The following CNTN6 variants were observed in gnomAD, a reference collection of about 807,000 sequenced individuals.
CNTN6 encodes contactin-6.
In CNTN6, 137 loss-of-function variants were observed where a neutral mutation model predicts 122.8. The ratio of observed to expected loss-of-function variants is 1.12; its 90% CI spans 0.97 to 1.29. The LOEUF is 1.29. Among genes scored for constraint, CNTN6 ranks in the 50% most tolerant of loss-of-function variants. CNTN6 has a pLI of 0.00. For synonymous variants in CNTN6, 570 were observed against 426.0 expected (o/e 1.34, Z -4.16); for missense variants, 1,634 against 1,223.4 (o/e 1.34, Z -5.01).
At position 1,403,501 on chromosome 3, in the gene CNTN6, G is replaced by A. The variant is rs958375071; in HGVS notation, c.*83G>A. On this transcript the variant is annotated 3_prime_UTR_variant, in exon 23 of 23. Transcript: ENST00000446702. Reference sequence around the variant, plus strand: ...CTCTCCAGCCTCTGACACAAGATGCGTTCTTAATACAGACTTGTTTGCAAA... The same window carrying A: ...CTCTCCAGCCTCTGACACAAGATGCATTCTTAATACAGACTTGTTTGCAAA... 1.7e-5 allele frequency: 13 copies of A among 760,948 alleles called. No individual in the cohort carries two copies. The highest frequency in any genetic ancestry group is 5.3e-5 in the East Asian group (2 of 37,610). 47.1% of individuals were successfully genotyped at this position (760,948 alleles called of 1,614,324 possible). A position where few individuals can be genotyped will look rare whatever the true frequency, so the allele number is the denominator to read the frequency against.
intron 2 of CNTN6, among the ~76,000 whole-genome samples, chr3:1,175,188 A>C: frequency 8.2e-6 from 1 of 122,360 alleles, no homozygotes; most frequent in South Asian, 2.6e-4. Context: ...GTACCACTGC[A>C]CTCCAGCCTG....
chr3:1,155,205 C>T (rs1020365974), intron 2 of CNTN6, among the ~76,000 whole-genome samples: 2 of 152,128 alleles, frequency 1.3e-5, no homozygotes, highest in African/African-American at 4.8e-5. Flanking sequence ...CACTTTCTGC[C>T]TATACCTAGA....
At chr3:1,101,753 A>G (rs2090909568) in intron 1 of CNTN6, among the ~76,000 whole-genome samples, 1 of 152,232 alleles carries the variant, frequency 6.6e-6, no homozygotes, top group Non-Finnish European at 1.5e-5. Flanking sequence ...TAGTCCAATG[A>G]CAGAATATGT....
intron 1 of CNTN6, among the ~76,000 whole-genome samples, chr3:1,111,065 T>C (rs1194022730): frequency 1.3e-5 from 2 of 152,186 alleles, no homozygotes; most frequent in African/African-American, 4.8e-5. Context: ...CATATGATTG[T>C]ATGGAGGATT....
intron 1 of CNTN6, among the ~76,000 whole-genome samples, chr3:1,118,520 T>C (rs1454326876): frequency 6.6e-6 from 1 of 152,152 alleles, no homozygotes; most frequent in Non-Finnish European, 1.5e-5. Context: ...ATAATGTCCT[T>C]TTTCTGTAAG....
At chr3:1,334,803 CTG>C (rs1486121963) in intron 11 of CNTN6, among the ~76,000 whole-genome samples, 1 of 152,060 alleles carries the variant, frequency 6.6e-6, no homozygotes, top group Non-Finnish European at 1.5e-5. Context: ...TAAATATTTT[CTG>C]TGTTGCTAAA....
chr3:1,292,861 C>T (rs907353707), intron 5 of CNTN6, among the ~76,000 whole-genome samples: 1 of 152,096 alleles, frequency 6.6e-6, no homozygotes, highest in Non-Finnish European at 1.5e-5. Context: ...CCACTGTATA[C>T]ATCTCCAGGT....
intron 5 of CNTN6, among the ~76,000 whole-genome samples, chr3:1,279,042 C>A (rs1284482874): frequency 6.6e-6 from 1 of 152,198 alleles, no homozygotes; most frequent in East Asian, 1.9e-4. Flanking sequence ...CAAATTCCAA[C>A]TAACACTCCT....
At chr3:1,256,130 T>A (rs1433727875) in intron 4 of CNTN6, among the ~76,000 whole-genome samples, 4 of 152,096 alleles carry the variant, frequency 2.6e-5, no homozygotes, top group Non-Finnish European at 5.9e-5. Context: ...CGTGGTCTCC[T>A]AAAGTGCTGC....
Position 1,327,547 on chromosome 3 carries a change from T to C in CNTN6, c.1174T>C (p.Tyr392His), listed in dbSNP as rs775187238. 1.2e-6 allele frequency: 2 copies of C among 1,610,842 alleles called. No individual in the cohort carries two copies. The highest frequency in any genetic ancestry group is 1.7e-6 in the Non-Finnish European group (2 of 1,178,084). Residue 392 changes from tyrosine to histidine, a missense_variant, in exon 10 of 23, where the codon TAT becomes CAT. Physicochemically the swap from Tyr to His is moderately conservative, Grantham distance 83 (BLOSUM62 2). Transcript: ENST00000446702. ...GVYQCAAENKYQIIYANAELR... is the reference protein window; with the variant it reads ...GVYQCAAENKHQIIYANAELR... ...GTACCAATGTGCTGCAGAAAACAAA[T>C]ATCAGATAATTTATGCAAATGCTGA...
At chr3:1,201,392 T>C (rs1208108340) in intron 2 of CNTN6, among the ~76,000 whole-genome samples, 3 of 152,262 alleles carry the variant, frequency 2.0e-5, no homozygotes, top group Middle Eastern at 3.4e-3. Context: ...ACGGGAAAAT[T>C]AGCTTTTTTT....
At chr3:1,179,752 A>G (rs2093519261) in intron 2 of CNTN6, among the ~76,000 whole-genome samples, 1 of 152,108 alleles carries the variant, frequency 6.6e-6, no homozygotes, top group Non-Finnish European at 1.5e-5. Flanking sequence ...TACCACAGTC[A>G]TTTTTTTGTG....
chr3:1,147,357 C>T (rs1559397549), intron 1 of CNTN6, among the ~76,000 whole-genome samples: 1 of 152,018 alleles, frequency 6.6e-6, no homozygotes, highest in South Asian at 2.1e-4. Flanking sequence ...TTCATAATAA[C>T]TGAGCTTAAT....
At chr3:1,372,268 A>C (rs776165104) in intron 12 of CNTN6, 31 bp from the exon 13 acceptor site, 1 of 1,548,078 alleles carries the variant, frequency 6.5e-7, no homozygotes, top group Non-Finnish European at 8.8e-7. Flanking sequence ...GCATTTCATA[A>C]GCTTTAAAAA....
chr3:1,148,532 T>C (rs1442990991), intron 2 of CNTN6, among the ~76,000 whole-genome samples: 2 of 152,128 alleles, frequency 1.3e-5, no homozygotes, highest in Non-Finnish European at 2.9e-5. Flanking sequence ...AAAGATGATA[T>C]AGAATGTTAC....
intron 17 of CNTN6, among the ~76,000 whole-genome samples, chr3:1,380,944 C>T (rs1575969114): frequency 6.6e-6 from 1 of 152,112 alleles, no homozygotes; most frequent in Non-Finnish European, 1.5e-5. Flanking sequence ...TTAAAGAAAA[C>T]TCTTTTTCTG....
chr3:1,321,729 A>C lies in CNTN6; in HGVS notation c.841A>C (p.Ile281Leu). The C allele has an allele frequency of 6.2e-7, 1 of 1,611,888 alleles. No homozygotes were observed. The change falls in exon 8 of 23, where the codon ATC becomes CTC. Residue 281 changes from isoleucine to leucine, a missense_variant. By Grantham distance (5) the Ile-to-Leu change is conservative. Coordinates refer to ENST00000446702, the MANE Select transcript of CNTN6 (RefSeq NM_001289080.2). ...GKVKYSKSQA[I>L]LEIPNFQQED... is the part of the protein sequence containing the mutation. ...AGTCAAGTACAGCAAATCCCAAGCT[A>C]TCCTTGAAATCCCGAACTTCCAACA...
intron 1 of CNTN6, among the ~76,000 whole-genome samples, chr3:1,098,785 CACACATATATATAT>C (rs1253945792): frequency 2.0e-5 from 1 of 49,576 alleles, no homozygotes; most frequent in East Asian, 6.8e-4. Context: ...CACACACACA[CACACATATATATAT>C]ATATATATAT....
At position 1,306,385 on chromosome 3, in the gene CNTN6, T is replaced by C. The variant is rs1575630729; in HGVS notation, c.761+8394T>C. ...CACCTCTGTTGACCATGCTCACAAA[T>C]CTGAGAACTAAAAAATCTTCAAGCC... is the stretch of plus-strand genomic sequence containing the variant. On this transcript the variant is annotated intron_variant, in intron 7 of 22. Coordinates refer to ENST00000446702, the MANE Select transcript of CNTN6 (RefSeq NM_001289080.2). 2.0e-5 allele frequency among the ~76,000 whole-genome samples: 3 copies of C among 152,236 alleles called. No homozygotes were observed. The South Asian group carries it at 6.2e-4, about 32-fold the overall frequency.
Sources: gnomAD v4.1 joint callset for allele counts (sites outside exome capture counted in the v4.1 genomes callset) on GRCh38, gnomAD v4.1.1 for gene constraint, MANE v1.5 for transcripts, NCBI Gene and HGNC (gene_info 2026-07-23, HGNC 2026-07-21) for gene names.